Variants in CPNE4 observed in about 807,000 individuals in gnomAD.
CPNE4 encodes the protein copine 4.
In CPNE4, 25 loss-of-function variants were observed where a neutral mutation model predicts 67.9. The ratio of observed to expected loss-of-function variants is 0.37; its 90% CI spans 0.27 to 0.51. CPNE4 has a LOEUF of 0.51. CPNE4 is among the 20% of genes least tolerant of loss of function. The pLI, the probability that CPNE4 is intolerant of heterozygous loss-of-function variation, is 0.93. For synonymous variants in CPNE4, 242 were observed against 244.9 expected (o/e 0.99, Z 0.11); for missense variants, 464 against 690.8 (o/e 0.67, Z 3.68).
intron 2 of CPNE4, among the ~76,000 whole-genome samples, chr3:131,818,180 T>C (rs1477604878): frequency 6.6e-6 from 1 of 152,190 alleles, no homozygotes; most frequent in Non-Finnish European, 1.5e-5. Flanking sequence ...CAAAACTGCT[T>C]TATTAGTTGA....
intron 2 of CPNE4, among the ~76,000 whole-genome samples, chr3:131,746,266 C>T (rs1279213102): frequency 6.6e-6 from 1 of 151,984 alleles, no homozygotes; most frequent in Non-Finnish European, 1.5e-5. Flanking sequence ...TTATCATTTC[C>T]CTGTAATTAG....
intron 1 of CPNE4, among the ~76,000 whole-genome samples, chr3:131,917,743 T>C (rs534667986): frequency 1.1e-4 from 16 of 152,232 alleles, no homozygotes; most frequent in African/African-American, 3.4e-4. Flanking sequence ...AGAGGGCCTC[T>C]TGCTGCAGAA....
At chr3:131,832,422 C>A (rs2085410221) in intron 2 of CPNE4, among the ~76,000 whole-genome samples, 1 of 152,158 alleles carries the variant, frequency 6.6e-6, no homozygotes, top group Non-Finnish European at 1.5e-5. Flanking sequence ...AAGGACTAGA[C>A]AGAGTCTCTG....
intron 1 of CPNE4, among the ~76,000 whole-genome samples, chr3:131,932,845 C>T (rs143579740): frequency 1.1e-3 from 170 of 152,148 alleles, no homozygotes; most frequent in Middle Eastern, 6.8e-3. Flanking sequence ...TGGTGAAATA[C>T]CATCTCTACT....
intron 2 of CPNE4, among the ~76,000 whole-genome samples, chr3:131,892,974 C>T (rs914551665): frequency 5.3e-5 from 8 of 151,938 alleles, no homozygotes; most frequent in Non-Finnish European, 8.8e-5. Context: ...AACCCTTTAT[C>T]CATTATTAAC....
rs543729613 is a variant in CPNE4 at position 131,645,323 on chromosome 3, G to A, written c.681+24352C>T. On this transcript the variant is annotated intron_variant, in intron 7 of 15. Transcript: ENST00000429747. Reference sequence around the variant, plus strand: ...TTTTTCTTGGAAACACTGACTCTCTGCAGGAGGGGCTGGTGCCTCAGAGAA... The same window carrying A: ...TTTTTCTTGGAAACACTGACTCTCTACAGGAGGGGCTGGTGCCTCAGAGAA... 3.8e-3 allele frequency among the ~76,000 whole-genome samples: 577 copies of A among 152,142 alleles called. 3 individuals carry two copies. Among genetic ancestry groups the A allele is most frequent in the African/African-American group, 0.013 (527 of 41,480 alleles).
intron 2 of CPNE4, among the ~76,000 whole-genome samples, chr3:131,742,931 C>T (rs1203017373): frequency 3.3e-5 from 5 of 152,048 alleles, no homozygotes; most frequent in Non-Finnish European, 7.4e-5. Flanking sequence ...AATATAGAAA[C>T]TTAATATTCA....
At chr3:131,606,277 C>T (rs1449347764) in intron 7 of CPNE4, among the ~76,000 whole-genome samples, 1 of 152,180 alleles carries the variant, frequency 6.6e-6, no homozygotes, top group Non-Finnish European at 1.5e-5. Flanking sequence ...TTAATTATTG[C>T]CTAATGCAAC....
At chr3:131,986,788 G>A (rs1371723551) in intron 1 of CPNE4, among the ~76,000 whole-genome samples, 3 of 138,626 alleles carry the variant, frequency 2.2e-5, no homozygotes, top group African/African-American at 8.2e-5. Context: ...CCAAGATTGC[G>A]CCACTGCACT....
At chr3:132,027,996 C>T (rs1359211726) in intron 1 of CPNE4, among the ~76,000 whole-genome samples, 1 of 152,180 alleles carries the variant, frequency 6.6e-6, no homozygotes, top group Non-Finnish European at 1.5e-5. Flanking sequence ...ATTTCTATTA[C>T]ATTTCCTTCC....
chr3:131,536,816 T>C (rs1223030238), intron 15 of CPNE4, among the ~76,000 whole-genome samples: 3 of 152,220 alleles, frequency 2.0e-5, no homozygotes, highest in African/African-American at 4.8e-5. Context: ...TCCATGTGTA[T>C]ACTGGGGCAG....
At chr3:131,715,637 C>T (rs1474318790) in intron 3 of CPNE4, among the ~76,000 whole-genome samples, 2 of 152,112 alleles carry the variant, frequency 1.3e-5, no homozygotes, top group African/African-American at 4.8e-5. Flanking sequence ...ACAGCTTCAC[C>T]CAGTGCCTAC....
intron 1 of CPNE4, among the ~76,000 whole-genome samples, chr3:131,971,137 T>C (rs1365015138): frequency 1.3e-5 from 2 of 152,140 alleles, no homozygotes; most frequent in African/African-American, 4.8e-5. Context: ...GGGGACAACA[T>C]CTAGAAGGCA....
intron 2 of CPNE4, among the ~76,000 whole-genome samples, chr3:131,898,789 A>G (rs966374036): frequency 5.9e-5 from 9 of 152,142 alleles, no homozygotes; most frequent in Admixed American, 5.9e-4. Context: ...TATATTCAAT[A>G]CTCAGGGTAA....
At chr3:131,646,440 A>G (rs2079666625) in intron 7 of CPNE4, among the ~76,000 whole-genome samples, 1 of 152,224 alleles carries the variant, frequency 6.6e-6, no homozygotes, top group Non-Finnish European at 1.5e-5. Flanking sequence ...TATATATAGC[A>G]GAAAAACACA....
rs557696795 is a variant in CPNE4, at chr3:131,919,319, G to T, written c.-1-13875C>A. ...ACAGCAACATGCAGCCTAAGAAAAG[G>T]ATGGGGAATAACTAGATCGTGGTCA... On this transcript the variant is annotated intron_variant, in intron 1 of 15. Transcript: ENST00000429747. Among the ~76,000 whole-genome samples the T allele has an allele frequency of 2.6e-5, 4 of 152,308 alleles. No individual in the cohort carries two copies. The South Asian group carries it at 8.3e-4, about 32-fold the overall frequency.
At chr3:131,968,756 G>A (rs1284975317) in intron 1 of CPNE4, among the ~76,000 whole-genome samples, 1 of 152,190 alleles carries the variant, frequency 6.6e-6, no homozygotes, top group Non-Finnish European at 1.5e-5. Flanking sequence ...TACACTGTTG[G>A]TGGGAGTGTA....
In CPNE4 at chr3:131,753,472, G is replaced by T. The variant is rs757255269; in HGVS notation, c.181-29847C>A. Among the ~76,000 whole-genome samples the T allele has an allele frequency of 9.2e-5, 14 of 152,058 alleles. 1 individual carries two copies. Among genetic ancestry groups the T allele is most frequent in the Admixed American group, 2.6e-4 (4 of 15,258 alleles). On this transcript the variant is annotated intron_variant, in intron 2 of 15. Coordinates refer to ENST00000429747, the MANE Select transcript of CPNE4 (RefSeq NM_130808.3). ...TCTGTGTGACCAAAAATCTCATAATGAAAGTCGACAGACAAATGATACATG... is the reference window on the plus strand; with the variant it reads ...TCTGTGTGACCAAAAATCTCATAATTAAAGTCGACAGACAAATGATACATG...
intron 2 of CPNE4, among the ~76,000 whole-genome samples, chr3:131,893,904 T>TA (rs1206673435): frequency 6.6e-6 from 1 of 151,456 alleles, no homozygotes; most frequent in African/African-American, 2.4e-5. Flanking sequence ...TCAAGAAACT[T>TA]AGAGAAACAA....
Sources: gnomAD v4.1 joint callset for allele counts (sites outside exome capture counted in the v4.1 genomes callset) on GRCh38, gnomAD v4.1.1 for gene constraint, MANE v1.5 for transcripts, NCBI Gene and HGNC (gene_info 2026-07-23, HGNC 2026-07-21) for gene names.